Variants in CSMD1 observed in about 807,000 individuals in gnomAD.
CSMD1 encodes the protein CUB and Sushi multiple domains 1.
In CSMD1, 213 loss-of-function variants were observed where a neutral mutation model predicts 417.5. The ratio of observed to expected loss-of-function variants is 0.51; its 90% CI spans 0.46 to 0.57. The LOEUF (loss-of-function observed/expected upper bound fraction) is 0.57. CSMD1 is among the 20% of genes least tolerant of loss of function. The pLI is 0.00. For missense variants in CSMD1, 6,923 were observed against 4,529.7 expected (o/e 1.53, Z -15.17); for synonymous variants, 2,862 against 1,736.8 (o/e 1.65, Z -16.11).
intron 10 of CSMD1, among the ~76,000 whole-genome samples, chr8:3,553,006 CTG>C (rs1346641788): frequency 6.6e-6 from 1 of 151,948 alleles, no homozygotes; most frequent in Non-Finnish European, 1.5e-5. Context: ...CACGTACTGT[CTG>C]TCAATTACTG....
chr8:3,000,527 G>C (rs891874671), intron 52 of CSMD1, among the ~76,000 whole-genome samples: 1 of 152,108 alleles, frequency 6.6e-6, no homozygotes, highest in Non-Finnish European at 1.5e-5. Context: ...GGGTAGTAAG[G>C]AGATCGGTGA....
At chr8:2,976,822 T>A (rs946929678) in intron 55 of CSMD1, among the ~76,000 whole-genome samples, 2 of 152,236 alleles carry the variant, frequency 1.3e-5, no homozygotes, top group African/African-American at 4.8e-5. Flanking sequence ...AATCTGATTT[T>A]TTTTTCAAGT....
At chr8:4,993,852 C>G (rs988475262) in intron 1 of CSMD1, among the ~76,000 whole-genome samples, 7 of 152,250 alleles carry the variant, frequency 4.6e-5, no homozygotes, top group African/African-American at 1.4e-4. Flanking sequence ...AGACCTTTGC[C>G]TATTGGTACC....
At chr8:4,246,084 C>G (rs527556257) in intron 3 of CSMD1, among the ~76,000 whole-genome samples, 11 of 152,128 alleles carry the variant, frequency 7.2e-5, no homozygotes, top group Admixed American at 2.0e-4. Context: ...CTTAAGTAAA[C>G]TTATGTCATG....
At chr8:4,173,205 G>C (rs190178755) in intron 3 of CSMD1, among the ~76,000 whole-genome samples, 140 of 152,242 alleles carry the variant, frequency 9.2e-4, no homozygotes, top group Non-Finnish European at 1.1e-3. Context: ...GTGAATTTCA[G>C]ATAAACGACC....
At chr8:3,323,944 C>G (rs1585000117) in intron 23 of CSMD1, among the ~76,000 whole-genome samples, 1 of 144,410 alleles carries the variant, frequency 6.9e-6, no homozygotes, top group Admixed American at 6.9e-5. Context: ...CCCAGAGACC[C>G]AGGAGGGGGA....
chr8:4,001,078 A>C (rs973486602), intron 4 of CSMD1, among the ~76,000 whole-genome samples: 2 of 152,190 alleles, frequency 1.3e-5, no homozygotes, highest in African/African-American at 4.8e-5. Flanking sequence ...CTGACATCAA[A>C]TGATTATGAA....
intron 50 of CSMD1, among the ~76,000 whole-genome samples, chr8:3,039,039 G>C (rs1563266350): frequency 6.6e-6 from 1 of 152,184 alleles, no homozygotes; most frequent in Non-Finnish European, 1.5e-5. Flanking sequence ...GATCTTCGCA[G>C]AAGAGATCTA....
chr8:4,230,315 C>A (rs745556841), intron 3 of CSMD1, among the ~76,000 whole-genome samples: 1 of 152,050 alleles, frequency 6.6e-6, no homozygotes, highest in Non-Finnish European at 1.5e-5. Flanking sequence ...TTAATCTATC[C>A]AATTAATCCA....
At chr8:4,174,992 T>A (rs1797964591) in intron 3 of CSMD1, among the ~76,000 whole-genome samples, 1 of 151,578 alleles carries the variant, frequency 6.6e-6, no homozygotes, top group African/African-American at 2.4e-5. Context: ...ACTTGCTGAA[T>A]TGGAATCTCT....
intron 2 of CSMD1, among the ~76,000 whole-genome samples, chr8:4,583,723 T>TCAAAACAGACCCTGTCAAAA: frequency 6.6e-6 from 1 of 152,172 alleles, no homozygotes; most frequent in East Asian, 1.9e-4. Context: ...AACACACCAG[T>TCAAAACAGACCCTGTCAAAA]CAGCACCCTG....
At chr8:4,402,123 C>T (rs562555864) in intron 3 of CSMD1, among the ~76,000 whole-genome samples, 2 of 152,222 alleles carry the variant, frequency 1.3e-5, no homozygotes, top group Admixed American at 1.3e-4. Context: ...CTTCCATTCT[C>T]TTTCATTAAT....
At chr8:4,140,480 A>G (rs1803719187) in intron 3 of CSMD1, among the ~76,000 whole-genome samples, 1 of 148,706 alleles carries the variant, frequency 6.7e-6, no homozygotes, top group Non-Finnish European at 1.5e-5. Flanking sequence ...TATAAGCAAC[A>G]AAATCCATCT....
intron 65 of CSMD1, among the ~76,000 whole-genome samples, chr8:2,952,779 C>A (rs1417851001): frequency 2.0e-5 from 3 of 152,150 alleles, no homozygotes; most frequent in African/African-American, 7.2e-5. Context: ...TGAAGTTTCA[C>A]AGGAATGGGC....
At chr8:4,380,399 G>C (rs530911416) in intron 3 of CSMD1, among the ~76,000 whole-genome samples, 1 of 152,250 alleles carries the variant, frequency 6.6e-6, no homozygotes, top group South Asian at 2.1e-4. Context: ...CAACACATGA[G>C]GAAAACATCA....
intron 25 of CSMD1, among the ~76,000 whole-genome samples, chr8:3,293,677 T>C (rs1183737733): frequency 2.0e-5 from 3 of 152,236 alleles, no homozygotes; most frequent in Non-Finnish European, 4.4e-5. Context: ...TTCAGCTACA[T>C]CAGGTCCTTT....
intron 26 of CSMD1, among the ~76,000 whole-genome samples, chr8:3,253,447 A>C (rs907985691): frequency 6.6e-6 from 1 of 152,082 alleles, no homozygotes; most frequent in Non-Finnish European, 1.5e-5. Context: ...CTTTACTTCC[A>C]ACTATGTGGT....
chr8:4,720,169 C>CAT (rs10611609), intron 1 of CSMD1, among the ~76,000 whole-genome samples: 3,286 of 148,928 alleles, frequency 0.022, 116 homozygotes, highest in African/African-American at 0.074. Context: ...ATACATATAA[C>CAT]ATATATATAT....
chr8:2,974,838 GT>G (rs879722540), intron 55 of CSMD1, among the ~76,000 whole-genome samples: 25 of 152,132 alleles, frequency 1.6e-4, no homozygotes, highest in Non-Finnish European at 3.2e-4. Context: ...CGTTTATGAA[GT>G]TTTTGTTTTG....
Sources: allele counts gnomAD v4.1 joint callset (sites outside exome capture counted in the v4.1 genomes callset), GRCh38; gene constraint gnomAD v4.1.1; transcripts MANE v1.5; gene names NCBI Gene and HGNC (gene_info 2026-07-23, HGNC 2026-07-21).